SGCD: variants seen among roughly 807,000 people sequenced by gnomAD.
SGCD encodes the protein sarcoglycan delta, also known as delta-sarcoglycan.
Under a neutral mutation model 36.6 loss-of-function variants are expected in SGCD, and 18 were observed. The observed-to-expected ratio is 0.49, with a 90% CI of 0.34 to 0.73. SGCD has a LOEUF of 0.73. Among genes scored for constraint, SGCD ranks in the 30% least tolerant of loss-of-function variants. The pLI, the probability that SGCD is intolerant of heterozygous loss-of-function variation, is 0.01. For synonymous variants in SGCD, 133 were observed against 130.6 expected (o/e 1.02, Z -0.12); for missense variants, 387 against 346.7 (o/e 1.12, Z -0.92).
At chr5:155,797,808 T>C in the SGCD span, among the ~76,000 whole-genome samples, 1 of 152,194 alleles carries the variant, frequency 6.6e-6, no homozygotes, top group Non-Finnish European at 1.5e-5. Flanking sequence ...TCTACCTCCT[T>C]GAGAGAGGAT....
chr5:156,342,129 A>G (rs1223351797), intron 2 of SGCD, among the ~76,000 whole-genome samples: 1 of 152,248 alleles, frequency 6.6e-6, no homozygotes, highest in African/African-American at 2.4e-5. Context: ...GTATGAAAAC[A>G]AGAAATCACA....
intron 3 of SGCD, among the ~76,000 whole-genome samples, chr5:156,150,951 T>A (rs1561540814): frequency 1.3e-5 from 2 of 151,664 alleles, no homozygotes; most frequent in East Asian, 1.9e-4. Context: ...CAAGGGCTCT[T>A]AAGATGACTG....
intron 1 of SGCD, among the ~76,000 whole-genome samples, chr5:155,882,415 T>C (rs913702728): frequency 6.6e-6 from 1 of 152,176 alleles, no homozygotes; most frequent in African/African-American, 2.4e-5. Flanking sequence ...TGGTGAATTA[T>C]TTCCAGAAGG....
At chr5:156,226,340 T>C (rs181156561) in intron 3 of SGCD, among the ~76,000 whole-genome samples, 45 of 152,258 alleles carry the variant, frequency 3.0e-4, no homozygotes, top group African/African-American at 9.4e-4. Context: ...CATTCCTGAG[T>C]TATTTTACCT....
intron 3 of SGCD, among the ~76,000 whole-genome samples, chr5:156,430,363 A>AT (rs1255374641): frequency 1.3e-5 from 2 of 150,956 alleles, no homozygotes; most frequent in South Asian, 4.2e-4. Context: ...AGAAGTTTTG[A>AT]TTTTTTTTCT....
the SGCD span, among the ~76,000 whole-genome samples, chr5:155,796,806 C>CAAAAAAAAAAAAAAAAAAAAAAAAAAAAA: frequency 7.8e-5 from 4 of 51,324 alleles, no homozygotes; most frequent in Admixed American, 2.2e-4. Context: ...AACTCCATCT[C>CAAAAAAAAAAAAAAAAAAAAAAAAAAAAA]AAAAAAAAAA....
intron 1 of SGCD, among the ~76,000 whole-genome samples, chr5:155,939,704 T>C (rs1341844526): frequency 6.6e-6 from 1 of 151,408 alleles, no homozygotes; most frequent in Non-Finnish European, 1.5e-5. Context: ...TCAAAAAGAA[T>C]TAAAAAACAA....
At chr5:155,972,508 C>G (rs758020151) in intron 1 of SGCD, among the ~76,000 whole-genome samples, 1 of 152,070 alleles carries the variant, frequency 6.6e-6, no homozygotes, top group Non-Finnish European at 1.5e-5. Context: ...TGTAGTCAAA[C>G]CTTTAATAAT....
rs993767205 is a variant in SGCD, at chr5:156,380,662, T to C, written c.192+35985T>C. The stretch of plus-strand genomic sequence containing the variant: ...CACCATTTCAGCAACTTCCTAGCCA[T>C]GTGATATTAAATATGTCTGTAAACT... On this transcript the variant is annotated intron_variant, in intron 3 of 8. Transcript: ENST00000337851. Among the ~76,000 whole-genome samples, 3 of 152,330 alleles carry C rather than the reference T, an allele frequency of 2.0e-5. No individual in the cohort carries two copies. In the East Asian group the frequency reaches 5.8e-4, roughly 29 times the overall value.
intron 3 of SGCD, among the ~76,000 whole-genome samples, chr5:156,395,141 C>G (rs1486666716): frequency 6.6e-6 from 1 of 152,148 alleles, no homozygotes; most frequent in Non-Finnish European, 1.5e-5. Context: ...AGCTTGCTGT[C>G]GTAAGAGAGT....
At chr5:156,513,462 T>C (rs1246100484) in intron 4 of SGCD, among the ~76,000 whole-genome samples, 1 of 152,238 alleles carries the variant, frequency 6.6e-6, no homozygotes, top group Non-Finnish European at 1.5e-5. Flanking sequence ...CATGATTATC[T>C]GCAGTGTCAT....
intron 1 of SGCD, among the ~76,000 whole-genome samples, chr5:155,989,371 A>C (rs1233639548): frequency 6.6e-6 from 1 of 152,190 alleles, no homozygotes; most frequent in Non-Finnish European, 1.5e-5. Flanking sequence ...GTTTTGTTCA[A>C]CCACTTAAAA....
chr5:156,457,763 G>A (rs1754322453), intron 3 of SGCD, among the ~76,000 whole-genome samples: 1 of 152,152 alleles, frequency 6.6e-6, no homozygotes, highest in East Asian at 1.9e-4. Context: ...TTCACAGTTG[G>A]TTGGGAGACA....
intron 1 of SGCD, among the ~76,000 whole-genome samples, chr5:156,014,201 T>G (rs370100622): frequency 1.3e-5 from 2 of 152,162 alleles, no homozygotes; most frequent in South Asian, 2.1e-4. Flanking sequence ...AGATTCAATA[T>G]CTGGTAGAGC....
the SGCD span, among the ~76,000 whole-genome samples, chr5:155,738,854 TGA>T: frequency 3.5e-3 from 505 of 143,648 alleles, 1 homozygote; most frequent in Middle Eastern, 0.011. Context: ...AGTATGTATA[TGA>T]GAGTGTGTGA....
the SGCD span, among the ~76,000 whole-genome samples, chr5:155,863,619 C>T: frequency 5.3e-5 from 5 of 93,574 alleles, no homozygotes; most frequent in Non-Finnish European, 1.2e-4. Context: ...AAATTCATAC[C>T]ATCATCCAGG....
At chr5:156,743,949 A>AAT (rs1756821706) in intron 7 of SGCD, among the ~76,000 whole-genome samples, 1 of 152,204 alleles carries the variant, frequency 6.6e-6, no homozygotes, top group Non-Finnish European at 1.5e-5. Flanking sequence ...TATTTAAGCC[A>AAT]ATCTCTATAA....
At chr5:156,748,078 A>C (rs1215057666) in intron 7 of SGCD, among the ~76,000 whole-genome samples, 1 of 152,232 alleles carries the variant, frequency 6.6e-6, no homozygotes, top group African/African-American at 2.4e-5. Context: ...ACAACTGATG[A>C]ACAGAGCCAC....
chr5:156,040,418 G>A (rs1759608033), intron 1 of SGCD, among the ~76,000 whole-genome samples: 2 of 152,186 alleles, frequency 1.3e-5, no homozygotes, highest in Admixed American at 6.5e-5. Flanking sequence ...CCCACAAAAT[G>A]TGGATCTGTC....
Sources: allele counts gnomAD v4.1 joint callset (sites outside exome capture counted in the v4.1 genomes callset), GRCh38; gene constraint gnomAD v4.1.1; transcripts MANE v1.5; gene names NCBI Gene and HGNC (gene_info 2026-07-23, HGNC 2026-07-21).